DDAH1: variants seen among roughly 807,000 people sequenced by gnomAD.
DDAH1 encodes N(G),N(G)-dimethylarginine dimethylaminohydrolase 1.
DDAH1 carries 19 observed loss-of-function variants against 28.8 expected under a neutral mutation model. That is an observed-to-expected ratio of 0.66 (90% confidence interval 0.46 to 0.97). The LOEUF is 0.97. Among genes scored for constraint, DDAH1 ranks in the 50% least tolerant of loss-of-function variants. The pLI is 0.00. For missense variants in DDAH1, 326 were observed against 375.9 expected, an observed-to-expected ratio of 0.87 and a Z score of 1.10; for synonymous variants, 153 against 154.4, an observed-to-expected ratio of 0.99 and a Z score of 0.07.
chr1:85,571,935 A>G (rs1659468394), intron 1 of DDAH1, among the ~76,000 whole-genome samples: 1 of 152,072 alleles, frequency 6.6e-6, no homozygotes, highest in Non-Finnish European at 1.5e-5. Flanking sequence ...CCAACATTCA[A>G]TGCTCAGGGA....
chr1:85,411,876 G>A (rs2100597809), intron 1 of DDAH1, among the ~76,000 whole-genome samples: 1 of 152,302 alleles, frequency 6.6e-6, no homozygotes, highest in South Asian at 2.1e-4. Context: ...CTCAGCCTCA[G>A]CACTGTGGAG....
At chr1:85,339,046 C>CA (rs67167548) in intron 4 of DDAH1, among the ~76,000 whole-genome samples, 2,192 of 138,492 alleles carry the variant, frequency 0.016, 31 homozygotes, top group African/African-American at 0.027. Flanking sequence ...GACTCCGTCT[C>CA]AAAAAAAAAA....
At chr1:85,421,877 G>C (rs1653155123) in intron 1 of DDAH1, among the ~76,000 whole-genome samples, 1 of 152,170 alleles carries the variant, frequency 6.6e-6, no homozygotes, top group African/African-American at 2.4e-5. Flanking sequence ...TGGTGATTAT[G>C]AATAAAGCTG....
rs567326633 is a variant in DDAH1 at position 85,519,642 on chromosome 1, A to G, written c.-122-23361T>C. 3.6e-3 allele frequency among the ~76,000 whole-genome samples: 544 copies of G among 152,344 alleles called. 1 individual carries two copies. The highest frequency in any genetic ancestry group is 0.012 in the African/African-American group (514 of 41,588). On this transcript the variant is annotated intron_variant, in intron 1 of 6. Coordinates refer to the DDAH1 transcript ENST00000426972. ...AATAAAAAATTCTAAGAAAAATGCT[A>G]AAAACAATCTTAAACTTATCAATAA...
intron 1 of DDAH1, among the ~76,000 whole-genome samples, chr1:85,510,405 G>A (rs1288874152): frequency 1.3e-5 from 2 of 152,182 alleles, no homozygotes; most frequent in African/African-American, 4.8e-5. Flanking sequence ...ATGCCAATTT[G>A]TAAAGACCAT....
At chr1:85,576,204 C>G (rs184957444) in intron 1 of DDAH1, among the ~76,000 whole-genome samples, 1 of 151,978 alleles carries the variant, frequency 6.6e-6, no homozygotes, top group Admixed American at 6.5e-5. Flanking sequence ...CTATGTGAAC[C>G]CTATATAATG....
chr1:85,446,664 C>T (rs12022538), intron 1 of DDAH1, among the ~76,000 whole-genome samples: 3,061 of 152,132 alleles, frequency 0.02, 84 homozygotes, highest in East Asian at 0.12. Flanking sequence ...CTGTTATTTG[C>T]CCCCTTGTTT....
intron 1 of DDAH1, among the ~76,000 whole-genome samples, chr1:85,518,676 G>A (rs1180993788): frequency 6.6e-6 from 1 of 152,180 alleles, no homozygotes; most frequent in Non-Finnish European, 1.5e-5. Context: ...AGATAGTCCA[G>A]CATGATCTCT....
intron 4 of DDAH1, among the ~76,000 whole-genome samples, chr1:85,331,812 A>G (rs1008430714): frequency 2.0e-5 from 3 of 152,228 alleles, no homozygotes; most frequent in African/African-American, 7.2e-5. Context: ...CCAAAATAGC[A>G]AGTAGATAAT....
At chr1:85,563,020 G>T (rs1264643909) in intron 1 of DDAH1, among the ~76,000 whole-genome samples, 4 of 152,198 alleles carry the variant, frequency 2.6e-5, no homozygotes, top group Non-Finnish European at 5.9e-5. Flanking sequence ...GCACAGTATA[G>T]TGATTGCTTA....
chr1:85,362,757 A>G (rs958664943), intron 1 of DDAH1, among the ~76,000 whole-genome samples: 1 of 150,722 alleles, frequency 6.6e-6, no homozygotes, highest in African/African-American at 2.4e-5. Flanking sequence ...TGCCTGGCAT[A>G]TTGTGCTCAA....
chr1:85,448,993 G>T (rs1298165393), intron 1 of DDAH1, among the ~76,000 whole-genome samples: 1 of 152,198 alleles, frequency 6.6e-6, no homozygotes, highest in Non-Finnish European at 1.5e-5. Flanking sequence ...TTAAGGGTGT[G>T]CCTCAGTCAA....
At chr1:85,438,773 C>T (rs192542307) in intron 1 of DDAH1, among the ~76,000 whole-genome samples, 1 of 152,196 alleles carries the variant, frequency 6.6e-6, no homozygotes, top group African/African-American at 2.4e-5. Context: ...GGAGGAAGAT[C>T]TATTTTTAAA....
At chr1:85,442,774 G>A (rs1207110234) in intron 1 of DDAH1, among the ~76,000 whole-genome samples, 1 of 152,176 alleles carries the variant, frequency 6.6e-6, no homozygotes, top group Non-Finnish European at 1.5e-5. Flanking sequence ...TTTCTCTGAT[G>A]GCCAGTGATG....
At chr1:85,477,752 G>A (rs1196152117) in intron 2 of DDAH1, among the ~76,000 whole-genome samples, 4 of 151,794 alleles carry the variant, frequency 2.6e-5, no homozygotes, top group Non-Finnish European at 5.9e-5. Context: ...TGTTCATACA[G>A]GTCACATATG....
At chr1:85,324,970 G>T in intron 4 of DDAH1, 87 bp from the exon 5 acceptor site, 9 of 1,500,184 alleles carry the variant, frequency 6.0e-6, no homozygotes, top group Non-Finnish European at 8.1e-6. Context: ...ATACAAGCTT[G>T]GAACTGACAC....
chr1:85,542,594 AG>A (rs925727844), intron 1 of DDAH1, among the ~76,000 whole-genome samples: 62 of 152,312 alleles, frequency 4.1e-4, no homozygotes, highest in African/African-American at 1.4e-3. Context: ...AGTCTTTTTA[AG>A]GGAAGAGCCT....
chr1:85,513,332 C>T (rs187369174), intron 1 of DDAH1, among the ~76,000 whole-genome samples: 1 of 152,170 alleles, frequency 6.6e-6, no homozygotes, highest in Admixed American at 6.5e-5. Context: ...CTTCCTTATA[C>T]CTTATACAAA....
In DDAH1 at chr1:85,452,947, C is replaced by CAG. The variant is rs376863715; in HGVS notation, c.303+11794_303+11795dup. On this transcript the variant is annotated intron_variant, in intron 1 of 5. Transcript: ENST00000284031. ...CACAATACCACCAAGCATTCACAAG[C>CAG]AGAGCACTGTTAGAAAACTGATTTT... 5.7e-3 allele frequency among the ~76,000 whole-genome samples: 863 copies of CAG among 152,288 alleles called. 13 individuals are homozygous for CAG. Among genetic ancestry groups the CAG allele is most frequent in the African/African-American group, 0.019 (787 of 41,560 alleles).
Sources: allele counts gnomAD v4.1 joint callset (sites outside exome capture counted in the v4.1 genomes callset), GRCh38; gene constraint gnomAD v4.1.1; transcripts MANE v1.5; gene names NCBI Gene and HGNC (gene_info 2026-07-23, HGNC 2026-07-21).